The following EPC2 variants were observed in gnomAD, a reference collection of about 807,000 sequenced individuals.
EPC2 encodes enhancer of polycomb homolog 2.
Under a neutral mutation model 92.1 loss-of-function variants are expected in EPC2, and 14 were observed. The observed-to-expected ratio is 0.15, with a 90% CI of 0.10 to 0.24. The LOEUF (loss-of-function observed/expected upper bound fraction) is 0.24, where lower values mean the gene tolerates loss of function less well. Among genes scored for constraint, EPC2 ranks in the 10% least tolerant of loss-of-function variants. The pLI is 1.00. For synonymous variants in EPC2, 340 were observed against 334.7 expected, an observed-to-expected ratio of 1.02 and a Z score of -0.17; for missense variants, 755 against 971.5, an observed-to-expected ratio of 0.78 and a Z score of 2.96.
intron 1 of EPC2, among the ~76,000 whole-genome samples, chr2:148,672,357 C>G (rs888948650): frequency 2.6e-5 from 4 of 152,162 alleles, no homozygotes; most frequent in African/African-American, 4.8e-5. Flanking sequence ...AAGTGAATCT[C>G]TTGTAGATAG....
chr2:148,740,331 T>C (rs766515588), intron 2 of EPC2, among the ~76,000 whole-genome samples: 2 of 151,676 alleles, frequency 1.3e-5, no homozygotes, highest in African/African-American at 2.4e-5. Context: ...GAGGAGATAA[T>C]AGAACCTGAG....
At chr2:148,698,858 A>T (rs1330266261) in intron 2 of EPC2, among the ~76,000 whole-genome samples, 1 of 146,998 alleles carries the variant, frequency 6.8e-6, no homozygotes, top group Non-Finnish European at 1.5e-5. Context: ...AAAGCATTAT[A>T]CTCTGTGTAT....
chr2:148,777,363 A>T (rs1574638364), intron 10 of EPC2, among the ~76,000 whole-genome samples: 1 of 152,188 alleles, frequency 6.6e-6, no homozygotes, highest in South Asian at 2.1e-4. Flanking sequence ...CCAAGAATAC[A>T]TCTTAGCCCA....
At chr2:148,764,391 C>T (rs1683368447) in intron 6 of EPC2, among the ~76,000 whole-genome samples, 1 of 152,260 alleles carries the variant, frequency 6.6e-6, no homozygotes, top group East Asian at 1.9e-4. Flanking sequence ...GCCAGATGGC[C>T]TCTCAGGAAC....
At chr2:148,733,765 C>T (rs774207261) in intron 2 of EPC2, among the ~76,000 whole-genome samples, 1 of 151,954 alleles carries the variant, frequency 6.6e-6, no homozygotes, top group Non-Finnish European at 1.5e-5. Context: ...CCTGGGATTA[C>T]AGCCGTGAGC....
Position 148,770,953 on chromosome 2 carries a change from T to C in EPC2, c.1376+16T>C, listed in dbSNP as rs1258889690. The C allele has an allele frequency of 6.2e-7, 1 of 1,604,372 alleles. No homozygotes were observed. The highest frequency in any genetic ancestry group is 1.3e-5 in the African/African-American group (1 of 74,302). ...GAGGTGGAAGGTGAAGTATTTGTTT[T>C]CACCTGGTTTTTGTTTGCTATCTGG... is the stretch of plus-strand genomic sequence containing the variant. On this transcript the variant is annotated intron_variant, in intron 9 of 13. Transcript: ENST00000258484.
At chr2:148,677,849 C>T (rs533713950) in intron 1 of EPC2, among the ~76,000 whole-genome samples, 3 of 152,158 alleles carry the variant, frequency 2.0e-5, no homozygotes, top group African/African-American at 7.2e-5. Flanking sequence ...TGTGGTCTCG[C>T]TGGCTTCAGG....
chr2:148,662,698 A>G (rs987132253), intron 1 of EPC2, among the ~76,000 whole-genome samples: 15 of 152,276 alleles, frequency 9.9e-5, no homozygotes, highest in Admixed American at 3.3e-4. Context: ...GAATAGCATT[A>G]GGAGATATAC....
chr2:148,746,510 T>C (rs1378461416), intron 3 of EPC2, among the ~76,000 whole-genome samples: 1 of 152,146 alleles, frequency 6.6e-6, no homozygotes, highest in African/African-American at 2.4e-5. Context: ...TTGAATGTTA[T>C]CAAATTGTTT....
At chr2:148,693,426 A>G (rs562563275) in intron 2 of EPC2, among the ~76,000 whole-genome samples, 1 of 152,240 alleles carries the variant, frequency 6.6e-6, no homozygotes, top group African/African-American at 2.4e-5. Flanking sequence ...CAAAATTTTC[A>G]GTGACTGTCT....
At chr2:148,749,012 C>A (rs1173001812) in intron 3 of EPC2, among the ~76,000 whole-genome samples, 1 of 152,156 alleles carries the variant, frequency 6.6e-6, no homozygotes, top group African/African-American at 2.4e-5. Flanking sequence ...AAAGTGAAAT[C>A]TGAACCACCT....
At chr2:148,764,474 A>T (rs1422754380) in intron 6 of EPC2, among the ~76,000 whole-genome samples, 1 of 152,152 alleles carries the variant, frequency 6.6e-6, no homozygotes, top group African/African-American at 2.4e-5. Context: ...CTAAAAAGTG[A>T]GGGTTTTTTT....
At chr2:148,751,003 A>G (rs769356661) in intron 3 of EPC2, among the ~76,000 whole-genome samples, 6 of 152,010 alleles carry the variant, frequency 3.9e-5, no homozygotes, top group Non-Finnish European at 8.8e-5. Flanking sequence ...AAGTTTTCAC[A>G]TTGTTCCCTT....
At chr2:148,691,053 A>G (rs1681635142) in intron 2 of EPC2, among the ~76,000 whole-genome samples, 1 of 152,170 alleles carries the variant, frequency 6.6e-6, no homozygotes, top group Non-Finnish European at 1.5e-5. Context: ...TTACTTTCAT[A>G]TAGTTTTTAT....
chr2:148,735,895 A>G (rs899936514), intron 2 of EPC2, among the ~76,000 whole-genome samples: 6 of 152,002 alleles, frequency 3.9e-5, no homozygotes, highest in African/African-American at 1.4e-4. Flanking sequence ...GATCCAGAAA[A>G]TTTCCATGTG....
At chr2:148,761,438 A>G (rs369251601) in intron 4 of EPC2, among the ~76,000 whole-genome samples, 4 of 152,334 alleles carry the variant, frequency 2.6e-5, no homozygotes, top group South Asian at 2.1e-4. Context: ...CCTCTCTGTC[A>G]TTGGAAAATA....
intron 2 of EPC2, among the ~76,000 whole-genome samples, chr2:148,697,710 A>G (rs1681779680): frequency 1.3e-5 from 2 of 152,166 alleles, no homozygotes; most frequent in East Asian, 3.8e-4. Flanking sequence ...ATTCAAACAC[A>G]TGCATGCATG....
At chr2:148,734,561 G>T (rs78734664) in intron 2 of EPC2, among the ~76,000 whole-genome samples, 2,145 of 152,180 alleles carry the variant, frequency 0.014, 52 homozygotes, top group African/African-American at 0.049. Context: ...TACTAATAGG[G>T]TATAGTAATG....
intron 2 of EPC2, among the ~76,000 whole-genome samples, chr2:148,710,229 C>G (rs981018226): frequency 1.3e-5 from 2 of 152,174 alleles, no homozygotes; most frequent in African/African-American, 4.8e-5. Flanking sequence ...ATTTATGCAG[C>G]CAACAGACAC....
Sources: gnomAD v4.1 joint callset for allele counts (sites outside exome capture counted in the v4.1 genomes callset) on GRCh38, gnomAD v4.1.1 for gene constraint, MANE v1.5 for transcripts, NCBI Gene and HGNC (gene_info 2026-07-23, HGNC 2026-07-21) for gene names.